The following NCOR1 variants were observed in gnomAD, a reference collection of about 807,000 sequenced individuals.
NCOR1 encodes nuclear receptor corepressor 1.
In NCOR1, 63 loss-of-function variants were observed where a neutral mutation model predicts 288.1. The ratio of observed to expected loss-of-function variants is 0.22; its 90% CI spans 0.18 to 0.27. The LOEUF is 0.27. Ranked by LOEUF, NCOR1 falls within the 10% of genes least tolerant of loss-of-function variation. NCOR1 has a pLI of 1.00. For missense variants in NCOR1, 2,397 were observed against 3,019.2 expected, an observed-to-expected ratio of 0.79 and a Z score of 4.83; for synonymous variants, 1,007 against 1,065.9, an observed-to-expected ratio of 0.94 and a Z score of 1.08.
intron 5 of NCOR1, among the ~76,000 whole-genome samples, chr17:16,159,530 C>T (rs765848188): frequency 2.1e-4 from 32 of 151,404 alleles, no homozygotes; most frequent in Non-Finnish European, 4.1e-4. Flanking sequence ...CCTTTGACAG[C>T]ACTGAAAAAA....
chr17:16,170,094 A>C (rs1336797339), intron 4 of NCOR1, among the ~76,000 whole-genome samples: 1 of 114,262 alleles, frequency 8.8e-6, no homozygotes, highest in Non-Finnish European at 1.9e-5. Flanking sequence ...TAACATTTTA[A>C]CATATTTGCT....
intron 1 of NCOR1, among the ~76,000 whole-genome samples, chr17:16,214,862 A>G (rs1345050175): frequency 6.6e-6 from 1 of 152,232 alleles, no homozygotes; most frequent in East Asian, 1.9e-4. Flanking sequence ...AGCCTTCGCC[A>G]TTACACCCTG....
intron 3 of NCOR1, 113 bp downstream of exon 3, chr17:16,186,441 T>A: frequency 8.9e-7 from 1 of 1,127,422 alleles, no homozygotes; most frequent in South Asian, 1.8e-5. Flanking sequence ...AAATGCAAAC[T>A]ATAAATGACC....
chr17:16,081,232 G>T (rs1047659952), intron 23 of NCOR1, among the ~76,000 whole-genome samples: 2 of 126,832 alleles, frequency 1.6e-5, no homozygotes, highest in African/African-American at 5.7e-5. Context: ...TTTTGAGACA[G>T]AGATTTGCTC....
chr17:16,201,455 C>A (rs2090796647), intron 1 of NCOR1, among the ~76,000 whole-genome samples: 1 of 151,988 alleles, frequency 6.6e-6, no homozygotes, highest in African/African-American at 2.4e-5. Flanking sequence ...AAAAACTAAC[C>A]GGGCATGGTG....
At position 16,096,853 on chromosome 17, in the gene NCOR1, T is replaced by C. The variant is rs755428804; in HGVS notation, c.2820+1514A>G. On this transcript the variant is annotated intron_variant, in intron 21 of 45. Coordinates refer to ENST00000268712, the MANE Select transcript of NCOR1 (RefSeq NM_006311.4). ...CAAGGGCTGACCATACAGGTACTAG[T>C]CACAATAGTCCAGAGGTGGAAGCAA... is the stretch of plus-strand genomic sequence containing the variant. 1.2e-4 allele frequency among the ~76,000 whole-genome samples: 19 copies of C among 152,292 alleles called. No individual in the cohort carries two copies. The East Asian group carries it at 3.7e-3, about 29-fold the overall frequency.
At chr17:16,119,735 GT>G (rs1234187667) in intron 16 of NCOR1, among the ~76,000 whole-genome samples, 1 of 151,976 alleles carries the variant, frequency 6.6e-6, no homozygotes, top group Admixed American at 6.6e-5. Context: ...TAAACATTTT[GT>G]TTTTTTCTGG....
At chr17:16,038,831 T>TC (rs1567641185) in intron 44 of NCOR1, among the ~76,000 whole-genome samples, 30 of 152,098 alleles carry the variant, frequency 2.0e-4, no homozygotes, top group African/African-American at 7.0e-4. Flanking sequence ...AGTGCAGTGG[T>TC]GTGATCTCAG....
intron 21 of NCOR1, among the ~76,000 whole-genome samples, chr17:16,094,043 G>T (rs1010075477): frequency 6.6e-6 from 1 of 151,904 alleles, no homozygotes; most frequent in Non-Finnish European, 1.5e-5. Context: ...AACCACAGGC[G>T]CATGGCACCA....
At chr17:16,160,052 G>C (rs924532141) in intron 5 of NCOR1, among the ~76,000 whole-genome samples, 3 of 151,950 alleles carry the variant, frequency 2.0e-5, no homozygotes, top group Non-Finnish European at 4.4e-5. Flanking sequence ...GGCTGGTCTC[G>C]AACTCCTGAC....
chr17:16,172,611 T>C (rs2083333690), intron 3 of NCOR1, among the ~76,000 whole-genome samples: 2 of 152,228 alleles, frequency 1.3e-5, no homozygotes, highest in African/African-American at 4.8e-5. Context: ...ACTTCACTTA[T>C]GAGGTACCAT....
chr17:16,127,749 A>G (rs1454873633), intron 14 of NCOR1, among the ~76,000 whole-genome samples: 1 of 101,834 alleles, frequency 9.8e-6, no homozygotes, highest in Admixed American at 9.7e-5. Flanking sequence ...GTGTGGAGAT[A>G]TATATATATA....
chr17:16,162,383 A>C (rs1372849208), intron 5 of NCOR1, among the ~76,000 whole-genome samples: 2 of 152,060 alleles, frequency 1.3e-5, no homozygotes, highest in East Asian at 3.8e-4. Context: ...TTTCTAAAAA[A>C]GATAATGGCT....
intron 14 of NCOR1, among the ~76,000 whole-genome samples, chr17:16,128,200 A>G (rs573601528): frequency 2.9e-4 from 44 of 152,292 alleles, no homozygotes; most frequent in African/African-American, 1.0e-3. Context: ...ATCCTGCCAC[A>G]TCATCTTCGC....
At chr17:16,182,233 T>C (rs968794461) in intron 3 of NCOR1, among the ~76,000 whole-genome samples, 16 of 152,202 alleles carry the variant, frequency 1.1e-4, no homozygotes, top group East Asian at 3.9e-4. Flanking sequence ...ATTACAATAA[T>C]TGGGGGAAGG....
At chr17:16,175,370 C>CTTTT (rs1418637150) in intron 3 of NCOR1, among the ~76,000 whole-genome samples, 1 of 150,366 alleles carries the variant, frequency 6.7e-6, no homozygotes, top group East Asian at 2.0e-4. Flanking sequence ...ACTCATTTGT[C>CTTTT]TTTTAAAAAA....
intron 7 of NCOR1, 80 bp from the exon 8 acceptor site, chr17:16,152,078 A>ACGACG: frequency 1.1e-6 from 1 of 880,320 alleles, no homozygotes; most frequent in Non-Finnish European, 1.7e-6. Context: ...ATTTTAATGT[A>ACGACG]AGCACAGGTA....
intron 8 of NCOR1, chr17:16,151,612 C>T (rs2078881259): frequency 2.2e-6 from 3 of 1,352,396 alleles, no homozygotes; most frequent in Non-Finnish European, 2.9e-6. Flanking sequence ...CTTGCAGGTA[C>T]TCCACTGAAA....
chr17:16,136,820 A>G (rs909270118), intron 14 of NCOR1, among the ~76,000 whole-genome samples: 7 of 138,062 alleles, frequency 5.1e-5, no homozygotes, highest in African/African-American at 1.7e-4. Flanking sequence ...AAAAAAAAAA[A>G]AAAAAAAAGA....
Sources: allele counts gnomAD v4.1 joint callset (sites outside exome capture counted in the v4.1 genomes callset), GRCh38; gene constraint gnomAD v4.1.1; transcripts MANE v1.5; gene names NCBI Gene and HGNC (gene_info 2026-07-23, HGNC 2026-07-21).